Variants in SNX29 observed in about 807,000 individuals in gnomAD.
SNX29 encodes sorting nexin 29, also known as sorting nexin-29.
Under a neutral mutation model 102.1 loss-of-function variants are expected in SNX29, and 78 were observed. That is an observed-to-expected ratio of 0.76 (90% CI 0.64 to 0.92). SNX29 has a LOEUF of 0.92. Ranked by LOEUF, SNX29 falls within the 40% of genes least tolerant of loss-of-function variation. The pLI, the probability that SNX29 is intolerant of heterozygous loss-of-function variation, is 0.00. For synonymous variants in SNX29, 580 were observed against 414.5 expected (o/e 1.40, Z -4.85); for missense variants, 1,280 against 1,061.7 (o/e 1.21, Z -2.86).
chr16:12,534,946 C>A (rs969485003), intron 20 of SNX29, among the ~76,000 whole-genome samples: 1 of 152,224 alleles, frequency 6.6e-6, no homozygotes, highest in Admixed American at 6.5e-5. Context: ...GGCCTCCTCC[C>A]TGCACAGCAG....
intron 14 of SNX29, among the ~76,000 whole-genome samples, chr16:12,209,211 G>A (rs1368759728): frequency 6.6e-6 from 1 of 152,158 alleles, no homozygotes; most frequent in African/African-American, 2.4e-5. Flanking sequence ...ACTCTGTGAC[G>A]GTTTGGAGCC....
At chr16:12,333,267 G>T (rs570030781) in intron 15 of SNX29, among the ~76,000 whole-genome samples, 1 of 151,786 alleles carries the variant, frequency 6.6e-6, no homozygotes, top group African/African-American at 2.4e-5. Flanking sequence ...CACCATGCCC[G>T]GCTAATTTTT....
rs188047265 is a variant in SNX29, at chr16:12,195,738, A to G, written c.1596-3863A>G. ...TAATAGGAGACTTTGAAGTTAAAGG[A>G]TATGGGTTTAAATCCCAAGTTGGAG... On this transcript the variant is annotated intron_variant, in intron 13 of 20. Coordinates refer to ENST00000566228, the MANE Select transcript of SNX29 (RefSeq NM_032167.5). Among the ~76,000 whole-genome samples, 132 of 152,324 alleles carry G rather than the reference A, an allele frequency of 8.7e-4. 1 individual carries two copies. Among genetic ancestry groups the G allele is most frequent in the Non-Finnish European group, 1.6e-3 (109 of 68,028 alleles).
intron 18 of SNX29, among the ~76,000 whole-genome samples, chr16:12,438,354 C>A (rs1167023490): frequency 1.3e-5 from 2 of 152,144 alleles, no homozygotes; most frequent in African/African-American, 4.8e-5. Context: ...CTCCCCTCTC[C>A]CTTTATTTTC....
intron 15 of SNX29, among the ~76,000 whole-genome samples, chr16:12,337,333 A>T (rs886524121): frequency 1.3e-5 from 2 of 151,714 alleles, no homozygotes; most frequent in Admixed American, 6.6e-5. Context: ...ATGCAATGCG[A>T]TGGGTGTTTT....
intron 4 of SNX29, among the ~76,000 whole-genome samples, chr16:12,038,390 G>T (rs1427375218): frequency 6.6e-6 from 1 of 152,178 alleles, no homozygotes; most frequent in African/African-American, 2.4e-5. Flanking sequence ...TCTGTTAACA[G>T]GTGCCCCGGG....
intron 13 of SNX29, among the ~76,000 whole-genome samples, chr16:12,159,675 C>T (rs1416003131): frequency 1.3e-5 from 2 of 152,090 alleles, no homozygotes; most frequent in Admixed American, 6.5e-5. Context: ...GCCTGGGCAA[C>T]ATAAGGAGAC....
intron 3 of SNX29, among the ~76,000 whole-genome samples, chr16:12,013,500 AATATATATATAT>A (rs66491414): frequency 0.014 from 441 of 31,628 alleles, 38 homozygotes; most frequent in African/African-American, 0.036. Flanking sequence ...AAAAAAAAAA[AATATATATATAT>A]ATATATATAT....
At chr16:12,142,931 A>G (rs1326372482) in intron 13 of SNX29, among the ~76,000 whole-genome samples, 1 of 152,064 alleles carries the variant, frequency 6.6e-6, no homozygotes, top group Admixed American at 6.5e-5. Flanking sequence ...AATCAGAGAG[A>G]AACACAATAC....
chr16:12,461,823 G>T (rs1445985689), intron 18 of SNX29, among the ~76,000 whole-genome samples: 1 of 150,548 alleles, frequency 6.6e-6, no homozygotes, highest in Non-Finnish European at 1.5e-5. Context: ...GGGCATGGTG[G>T]CAGGTGCCTG....
intron 16 of SNX29, among the ~76,000 whole-genome samples, chr16:12,359,455 C>T (rs2082239137): frequency 6.6e-6 from 1 of 152,222 alleles, no homozygotes; most frequent in Non-Finnish European, 1.5e-5. Context: ...TTCTCACAGC[C>T]TTTGTCCATT....
chr16:12,392,045 T>C (rs2083548662), intron 16 of SNX29, among the ~76,000 whole-genome samples: 1 of 152,222 alleles, frequency 6.6e-6, no homozygotes. Context: ...TTACGTGTCT[T>C]TATAGAAATG....
At chr16:12,079,636 A>AT (rs949048958) in intron 11 of SNX29, among the ~76,000 whole-genome samples, 26 of 152,280 alleles carry the variant, frequency 1.7e-4, no homozygotes, top group African/African-American at 5.3e-4. Context: ...CAGTTGGTTT[A>AT]TTTTTTGTAC....
intron 4 of SNX29, among the ~76,000 whole-genome samples, chr16:12,039,915 T>A (rs1167353795): frequency 6.6e-6 from 1 of 152,194 alleles, no homozygotes; most frequent in African/African-American, 2.4e-5. Context: ...ATGTAAAGTG[T>A]TTACTGCAAT....
At chr16:12,327,804 G>T (rs1452370503) in intron 15 of SNX29, among the ~76,000 whole-genome samples, 2 of 152,094 alleles carry the variant, frequency 1.3e-5, no homozygotes, top group African/African-American at 4.8e-5. Context: ...GTCCTAAATT[G>T]GGTCCCCTGT....
chr16:12,554,439 C>CA (rs1335711880), intron 20 of SNX29, among the ~76,000 whole-genome samples: 1 of 152,232 alleles, frequency 6.6e-6, no homozygotes, highest in African/African-American at 2.4e-5. Context: ...GCTGTTTCCG[C>CA]ACACCTGCCA....
rs2082044680 is a variant in SNX29 at position 12,353,402 on chromosome 16, GCTGCC to G, written c.1783-2760_1783-2756del. 1.3e-5 allele frequency among the ~76,000 whole-genome samples: 2 copies of G among 151,654 alleles called. 1 individual carries two copies. Among genetic ancestry groups the G allele is most frequent in the African/African-American group, 4.9e-5 (2 of 40,912 alleles). On this transcript the variant is annotated intron_variant, in intron 15 of 20. Coordinates refer to ENST00000566228, the MANE Select transcript of SNX29 (RefSeq NM_032167.5). ...TGGGAACTTATCCTGCCCCAGATGT[GCTGCC>G]AAGCCTGCTAAGTGCGGCATCTCTT...
chr16:12,354,763 G>T (rs2082084213), intron 15 of SNX29, among the ~76,000 whole-genome samples: 1 of 152,150 alleles, frequency 6.6e-6, no homozygotes, highest in Non-Finnish European at 1.5e-5. Flanking sequence ...TTTGTTAAAG[G>T]CCCAAAGACG....
chr16:12,354,570 A>G (rs1052922505), intron 15 of SNX29, among the ~76,000 whole-genome samples: 12 of 152,232 alleles, frequency 7.9e-5, no homozygotes, highest in African/African-American at 2.9e-4. Flanking sequence ...TGGCAGTGGC[A>G]TTTATTTAAG....
Sources: allele counts gnomAD v4.1 joint callset (sites outside exome capture counted in the v4.1 genomes callset), GRCh38; gene constraint gnomAD v4.1.1; transcripts MANE v1.5; gene names NCBI Gene and HGNC (gene_info 2026-07-23, HGNC 2026-07-21).